The following AUTS2 variants were observed in gnomAD, a reference collection of about 807,000 sequenced individuals.
The protein encoded by AUTS2 is activator of transcription and developmental regulator AUTS2.
In AUTS2, 17 loss-of-function variants were observed where a neutral mutation model predicts 112.4. The ratio of observed to expected loss-of-function variants is 0.15; its 90% CI spans 0.10 to 0.23. The LOEUF is 0.23. Ranked by LOEUF, AUTS2 falls within the 10% of genes least tolerant of loss-of-function variation. The pLI, the probability that AUTS2 is intolerant of heterozygous loss-of-function variation, is 1.00. For synonymous variants in AUTS2, 751 were observed against 702.7 expected (o/e 1.07, Z -1.09); for missense variants, 1,510 against 1,701.6 (o/e 0.89, Z 1.98).
chr7:70,622,021 A>G (rs1563082219), intron 5 of AUTS2, among the ~76,000 whole-genome samples: 3 of 151,250 alleles, frequency 2.0e-5, no homozygotes, highest in Admixed American at 2.0e-4. Context: ...TAATTGGTGT[A>G]TTTTTTAGTA....
chr7:70,174,470 G>A (rs1451345719), intron 4 of AUTS2, among the ~76,000 whole-genome samples: 1 of 152,164 alleles, frequency 6.6e-6, no homozygotes, highest in East Asian at 1.9e-4. Flanking sequence ...GATAAAGGTG[G>A]CCACGTTGAA....
rs551908224 is a variant in AUTS2, at chr7:69,652,098, C to T, written c.309+52136C>T. Among the ~76,000 whole-genome samples, 8 of 152,232 alleles carry T rather than the reference C, an allele frequency of 5.3e-5. No individual in the cohort carries two copies. In the South Asian group the frequency reaches 1.7e-3, roughly 32 times the overall value. On this transcript the variant is annotated intron_variant, in intron 1 of 18. Coordinates refer to ENST00000342771, the MANE Select transcript of AUTS2 (RefSeq NM_015570.4). The stretch of plus-strand genomic sequence containing the variant: ...GGAGACACCATAATGGCCTTCATAG[C>T]GTCCTTAAATCCTATTAGGTAAGTT...
intron 2 of AUTS2, among the ~76,000 whole-genome samples, chr7:70,001,749 C>T (rs148113700): frequency 6.8e-6 from 1 of 147,954 alleles, no homozygotes; most frequent in African/African-American, 2.5e-5. Context: ...TTTCACTCTG[C>T]CACCAGGCTG....
rs76400286 is a variant in AUTS2 at position 70,455,468 on chromosome 7, A to C, written c.690+19687A>C. 7.2e-4 allele frequency among the ~76,000 whole-genome samples: 109 copies of C among 152,280 alleles called. 3 individuals carry two copies. The East Asian group carries it at 0.02, about 28-fold the overall frequency. The stretch of plus-strand genomic sequence containing the variant: ...CCAAATATGACCTGGCCTGCAGGGT[A>C]CAAGAAGACATGGAATACCTGGTAG... On this transcript the variant is annotated intron_variant, in intron 5 of 18. Transcript: ENST00000342771.
At chr7:69,965,128 G>A (rs1024374502) in intron 2 of AUTS2, among the ~76,000 whole-genome samples, 1 of 152,040 alleles carries the variant, frequency 6.6e-6, no homozygotes, top group African/African-American at 2.4e-5. Flanking sequence ...CTTTTTCAGT[G>A]TTGCCCATCA....
intron 6 of AUTS2, among the ~76,000 whole-genome samples, chr7:70,723,990 C>G (rs535778014): frequency 9.2e-5 from 14 of 152,034 alleles, no homozygotes; most frequent in African/African-American, 3.4e-4. Flanking sequence ...CCTCCCGGTT[C>G]AAGCAGTTCT....
intron 2 of AUTS2, among the ~76,000 whole-genome samples, chr7:69,968,012 T>A (rs1797699881): frequency 6.6e-6 from 1 of 152,176 alleles, no homozygotes; most frequent in African/African-American, 2.4e-5. Flanking sequence ...GTGGAAGCAA[T>A]CTTCAGACTC....
intron 4 of AUTS2, among the ~76,000 whole-genome samples, chr7:70,164,442 G>A (rs1808276042): frequency 6.6e-6 from 1 of 152,128 alleles, no homozygotes; most frequent in Non-Finnish European, 1.5e-5. Flanking sequence ...GTAAGACTGT[G>A]ACAGTTTCTC....
chr7:69,851,674 A>T (rs750665763), intron 1 of AUTS2, among the ~76,000 whole-genome samples: 5 of 152,122 alleles, frequency 3.3e-5, no homozygotes, highest in Non-Finnish European at 7.4e-5. Flanking sequence ...TTCCATCAGC[A>T]ATTTGTAGTT....
At chr7:70,650,168 G>T (rs1002071406) in intron 5 of AUTS2, among the ~76,000 whole-genome samples, 2 of 152,154 alleles carry the variant, frequency 1.3e-5, no homozygotes, top group Admixed American at 6.5e-5. Flanking sequence ...TCTTCCTCAC[G>T]TACCTCTTTT....
chr7:70,094,352 C>G (rs1168397104), intron 2 of AUTS2, among the ~76,000 whole-genome samples: 2 of 152,174 alleles, frequency 1.3e-5, no homozygotes, highest in Non-Finnish European at 2.9e-5. Flanking sequence ...ACTCTGTTAA[C>G]AATTAAGGAA....
chr7:69,737,260 T>C (rs1376581886), intron 1 of AUTS2, among the ~76,000 whole-genome samples: 1 of 152,206 alleles, frequency 6.6e-6, no homozygotes, highest in East Asian at 1.9e-4. Context: ...CTCAATTGAA[T>C]AATAACAAGA....
chr7:70,477,598 G>A (rs2189961), intron 5 of AUTS2, among the ~76,000 whole-genome samples: 61,070 of 151,990 alleles, frequency 0.4, 12,569 homozygotes, highest in African/African-American at 0.44. Flanking sequence ...CTGCTGGCAC[G>A]TACCTGATTT....
intron 2 of AUTS2, among the ~76,000 whole-genome samples, chr7:70,025,388 C>T (rs1306262232): frequency 6.6e-6 from 1 of 151,776 alleles, no homozygotes; most frequent in Non-Finnish European, 1.5e-5. Context: ...TCACTGTCAT[C>T]ACTGGCTATT....
intron 2 of AUTS2, among the ~76,000 whole-genome samples, chr7:70,109,624 G>A (rs542426181): frequency 5.9e-5 from 9 of 152,130 alleles, no homozygotes; most frequent in South Asian, 2.1e-4. Context: ...GGCTTACTAC[G>A]ATAAAGGGTT....
At chr7:70,655,055 T>C (rs1470983339) in intron 5 of AUTS2, among the ~76,000 whole-genome samples, 1 of 152,226 alleles carries the variant, frequency 6.6e-6, no homozygotes, top group Non-Finnish European at 1.5e-5. Context: ...CTTTCGGAAC[T>C]CGGATTCAGA....
At chr7:70,379,749 C>T (rs1235123284) in intron 4 of AUTS2, among the ~76,000 whole-genome samples, 4 of 152,184 alleles carry the variant, frequency 2.6e-5, no homozygotes, top group Non-Finnish European at 5.9e-5. Flanking sequence ...CACTAAGAGA[C>T]TGAATTTATT....
chr7:70,155,586 G>A (rs549411937), intron 4 of AUTS2, among the ~76,000 whole-genome samples: 56 of 151,810 alleles, frequency 3.7e-4, no homozygotes, highest in African/African-American at 7.2e-4. Flanking sequence ...CTCGGTATCC[G>A]TCTCTGGCCA....
chr7:70,760,280 C>T (rs560414243), intron 6 of AUTS2, among the ~76,000 whole-genome samples: 1 of 152,350 alleles, frequency 6.6e-6, no homozygotes, highest in East Asian at 1.9e-4. Flanking sequence ...GCTGGGATTA[C>T]AGGCGTGAGC....
Sources: allele counts gnomAD v4.1 joint callset (sites outside exome capture counted in the v4.1 genomes callset), GRCh38; gene constraint gnomAD v4.1.1; transcripts MANE v1.5; gene names NCBI Gene and HGNC (gene_info 2026-07-23, HGNC 2026-07-21).